The following HTR4 variants were observed in gnomAD, a reference collection of about 807,000 sequenced individuals.
HTR4 encodes 5-hydroxytryptamine (serotonin) receptor 4, G protein-coupled.
HTR4 carries 16 observed loss-of-function variants against 36.8 expected under a neutral mutation model. The ratio of observed to expected loss-of-function variants is 0.43; its 90% CI spans 0.29 to 0.66. HTR4 has a LOEUF of 0.66. HTR4 is among the 30% of genes least tolerant of loss of function. HTR4 has a pLI of 0.13. For missense variants in HTR4, 438 were observed against 490.9 expected (o/e 0.89, Z 1.02); for synonymous variants, 189 against 185.1 (o/e 1.02, Z -0.17).
chr5:148,603,832 T>C (rs997013852), intron 2 of HTR4, among the ~76,000 whole-genome samples: 2 of 152,074 alleles, frequency 1.3e-5, no homozygotes, highest in Non-Finnish European at 2.9e-5. Flanking sequence ...GATATTGGTA[T>C]AAGAGTTGAC....
At chr5:148,486,727 T>C (rs1218235746) in intron 6 of HTR4, among the ~76,000 whole-genome samples, 3 of 152,218 alleles carry the variant, frequency 2.0e-5, no homozygotes, top group Non-Finnish European at 4.4e-5. Context: ...TATCTGATAC[T>C]TTATATTCCA....
chr5:148,457,915 T>C (rs1233678738), intron 5 of HTR4, among the ~76,000 whole-genome samples: 5 of 137,668 alleles, frequency 3.6e-5, no homozygotes, highest in African/African-American at 1.3e-4. Flanking sequence ...ATATATTTAA[T>C]ATATCATTAA....
chr5:148,634,066 T>C (rs1753436202), intron 2 of HTR4, among the ~76,000 whole-genome samples: 2 of 152,154 alleles, frequency 1.3e-5, no homozygotes, highest in African/African-American at 4.8e-5. Flanking sequence ...AAGTGAGCAG[T>C]ATGGCCGGAC....
intron 4 of HTR4, among the ~76,000 whole-genome samples, chr5:148,534,426 A>T (rs1368264767): frequency 6.6e-6 from 1 of 152,316 alleles, no homozygotes; most frequent in East Asian, 1.9e-4. Flanking sequence ...ACCTGTTCCC[A>T]TATCTCCTCA....
At chr5:148,612,646 A>G (rs1298221979) in intron 2 of HTR4, among the ~76,000 whole-genome samples, 1 of 129,182 alleles carries the variant, frequency 7.7e-6, no homozygotes, top group Non-Finnish European at 1.6e-5. Flanking sequence ...AACACATTCA[A>G]AAGCTAGCAG....
chr5:148,618,899 G>A (rs1397748675), intron 2 of HTR4, among the ~76,000 whole-genome samples: 1 of 152,160 alleles, frequency 6.6e-6, no homozygotes, highest in East Asian at 1.9e-4. Flanking sequence ...GTATACTGAG[G>A]ATTGTGACAC....
At chr5:148,599,734 A>G (rs532468910) in intron 2 of HTR4, among the ~76,000 whole-genome samples, 85 of 152,244 alleles carry the variant, frequency 5.6e-4, no homozygotes, top group African/African-American at 1.9e-3. Context: ...ATTATTTATT[A>G]CTATACAAAC....
intron 2 of HTR4, among the ~76,000 whole-genome samples, chr5:148,559,165 T>C (rs1338817630): frequency 6.6e-6 from 1 of 152,198 alleles, no homozygotes; most frequent in Non-Finnish European, 1.5e-5. Flanking sequence ...GGTAAGATGG[T>C]ATCATACAGC....
chr5:148,592,531 A>G (rs1761615346), intron 2 of HTR4, among the ~76,000 whole-genome samples: 1 of 152,142 alleles, frequency 6.6e-6, no homozygotes, highest in Non-Finnish European at 1.5e-5. Flanking sequence ...GCAAATAAGC[A>G]GACTCTTCCC....
chr5:148,570,834 GTTTTT>G (rs1760644870), intron 2 of HTR4, among the ~76,000 whole-genome samples: 1 of 90,624 alleles, frequency 1.1e-5, no homozygotes. Context: ...GTGTGTGTGG[GTTTTT>G]GTTTTTGTTT....
intron 2 of HTR4, among the ~76,000 whole-genome samples, chr5:148,568,115 C>T (rs1760524131): frequency 6.6e-6 from 1 of 152,146 alleles, no homozygotes. Flanking sequence ...AAATGAAATA[C>T]TCTATCTTTT....
intron 6 of HTR4, among the ~76,000 whole-genome samples, chr5:148,507,040 C>T (rs182149594): frequency 0.016 from 2,469 of 152,140 alleles, 34 homozygotes; most frequent in Middle Eastern, 0.048. Flanking sequence ...ACCCAAAGGA[C>T]TATAAATCAT....
At chr5:148,492,202 C>A (rs756498351) in intron 6 of HTR4, among the ~76,000 whole-genome samples, 1 of 152,108 alleles carries the variant, frequency 6.6e-6, no homozygotes, top group Non-Finnish European at 1.5e-5. Context: ...GGTGCACCTA[C>A]GGAGCAAAAG....
intron 5 of HTR4, among the ~76,000 whole-genome samples, chr5:148,462,758 T>A (rs1310484342): frequency 6.6e-6 from 1 of 152,088 alleles, no homozygotes; most frequent in East Asian, 1.9e-4. Context: ...GCAAAAATCA[T>A]CAACAAGATA....
At chr5:148,574,063 A>G (rs1760786923) in intron 2 of HTR4, among the ~76,000 whole-genome samples, 1 of 152,126 alleles carries the variant, frequency 6.6e-6, no homozygotes, top group Non-Finnish European at 1.5e-5. Context: ...TGACCATTAT[A>G]GTCCCATCAT....
chr5:148,453,730 C>T (rs1244776390), intron 5 of HTR4, among the ~76,000 whole-genome samples: 2 of 152,182 alleles, frequency 1.3e-5, no homozygotes, highest in African/African-American at 2.4e-5. Context: ...CTGGCTTTTA[C>T]TACATGTGAG....
chr5:148,603,403 T>A (rs1417301252), intron 2 of HTR4, among the ~76,000 whole-genome samples: 1 of 152,038 alleles, frequency 6.6e-6, no homozygotes, highest in Non-Finnish European at 1.5e-5. Flanking sequence ...GAACACCTTA[T>A]AAAGATATTT....
intron 2 of HTR4, among the ~76,000 whole-genome samples, chr5:148,577,777 T>C (rs999732060): frequency 3.3e-5 from 5 of 151,950 alleles, no homozygotes; most frequent in Non-Finnish European, 7.4e-5. Flanking sequence ...TGAGAACTTA[T>C]GAACACAAAG....
chr5:148,647,105 G>T (rs917079405), intron 1 of HTR4, among the ~76,000 whole-genome samples: 3 of 152,182 alleles, frequency 2.0e-5, no homozygotes, highest in Non-Finnish European at 4.4e-5. Flanking sequence ...GTTTATCGCT[G>T]TTCAGTGTGG....
Sources: allele counts gnomAD v4.1 joint callset (sites outside exome capture counted in the v4.1 genomes callset), GRCh38; gene constraint gnomAD v4.1.1; transcripts MANE v1.5; gene names NCBI Gene and HGNC (gene_info 2026-07-23, HGNC 2026-07-21).